NALCN: variants seen among roughly 807,000 people sequenced by gnomAD.
The protein encoded by NALCN is sodium leak channel NALCN.
A neutral mutation model predicts 225.3 loss-of-function variants in NALCN; 111 were observed. The observed-to-expected ratio is 0.49, with a 90% CI of 0.42 to 0.58. The LOEUF (loss-of-function observed/expected upper bound fraction) is 0.58. NALCN is among the 20% of genes least tolerant of loss of function. NALCN has a pLI of 0.00. For missense variants in NALCN, 1,378 were observed against 2,202.4 expected, an observed-to-expected ratio of 0.63 and a Z score of 7.49; for synonymous variants, 764 against 769.0, an observed-to-expected ratio of 0.99 and a Z score of 0.11.
At position 101,395,375 on chromosome 13, in the gene NALCN, T is replaced by C; in HGVS notation, c.109-10A>G. The C allele has an allele frequency of 6.2e-7, 1 of 1,611,990 alleles. No individual in the cohort carries two copies. Among genetic ancestry groups the C allele is most frequent in the African/African-American group, 1.3e-5 (1 of 74,996 alleles). On this transcript the variant is annotated splice_polypyrimidine_tract_variant and intron_variant, in intron 2 of 43. Transcript: ENST00000251127. ...GCAAAGAGTGAACCCACTGCAATGATGGTCCAGAGTTACTACACGGCACCA... is the reference window on the plus strand; with the variant it reads ...GCAAAGAGTGAACCCACTGCAATGACGGTCCAGAGTTACTACACGGCACCA...
Position 101,056,344 on chromosome 13 carries a change from T to G in NALCN, c.5024-856A>C, listed in dbSNP as rs774319111. ...GGCACAATCTTGGTTCACCACAACCTCTGCTTCCCAGGCTCAAGTGATTCT... is the reference window on the plus strand; with the variant it reads ...GGCACAATCTTGGTTCACCACAACCGCTGCTTCCCAGGCTCAAGTGATTCT... On this transcript the variant is annotated intron_variant, in intron 43 of 43. Coordinates refer to ENST00000251127, the MANE Select transcript of NALCN (RefSeq NM_052867.4). Among the ~76,000 whole-genome samples the G allele has an allele frequency of 2.0e-4, 27 of 134,840 alleles. 1 individual carries two copies. In the Admixed American group the frequency reaches 2.3e-3, roughly 12 times the overall value. The allele number at this position is 134,840 out of a possible 152,430, so 88.5% of individuals were successfully genotyped here. A position where few individuals can be genotyped will look rare whatever the true frequency, so the allele number is the denominator to read the frequency against.
intron 9 of NALCN, among the ~76,000 whole-genome samples, chr13:101,291,371 C>T (rs969219449): frequency 1.3e-5 from 2 of 151,972 alleles, no homozygotes; most frequent in African/African-American, 4.8e-5. Context: ...ATCCACAAGC[C>T]ATTTGAGGAT....
chr13:101,244,692 A>G (rs1176174060), intron 11 of NALCN, among the ~76,000 whole-genome samples: 3 of 152,232 alleles, frequency 2.0e-5, no homozygotes, highest in East Asian at 3.8e-4. Context: ...CATAGAGAAG[A>G]ACTGTGTCAG....
chr13:101,296,681 A>AT (rs2043768416), intron 7 of NALCN, among the ~76,000 whole-genome samples: 1 of 152,206 alleles, frequency 6.6e-6, no homozygotes, highest in South Asian at 2.1e-4. Flanking sequence ...TAACGCATTA[A>AT]TTTTTTAGAG....
chr13:101,057,985 G>C lies in NALCN; in HGVS notation c.4977C>G (p.Asp1659Glu), dbSNP rs78817184. The C allele has an allele frequency of 3.0e-4, 484 of 1,613,936 alleles. 1 individual carries two copies. The African/African-American group carries it at 5.1e-3, about 17-fold the overall frequency. Residue 1659 changes from aspartate (D) to glutamate (E), a missense_variant, in exon 43 of 44, where the codon GAC becomes GAG. This residue lies in a region of NALCN where 145 missense variants were observed against 169.6 expected (regional missense o/e 0.85). Coordinates refer to ENST00000251127, the MANE Select transcript of NALCN (RefSeq NM_052867.4). The part of the protein sequence containing the change: ...DRGGSRQDAA[D>E]AGKPQRKFGQ... ...CAAATTTCCTCTGGGGTTTCCCTGC[G>C]TCGGCTGCATCTTGCCGACTTCCTC...
intron 3 of NALCN, among the ~76,000 whole-genome samples, chr13:101,380,649 A>T (rs535111917): frequency 6.6e-6 from 1 of 152,292 alleles, no homozygotes; most frequent in African/African-American, 2.4e-5. Flanking sequence ...GTTGCAGGAT[A>T]TTGACATAAG....
In NALCN at chr13:101,104,646, A is replaced by C. The variant is rs1261962735; in HGVS notation, c.2641T>G (p.Leu881Val). ...KNTKYHQLYDLLGLVTYLDWV... is the reference protein window; with the variant it reads ...KNTKYHQLYDVLGLVTYLDWV... ...TCCAGGTAAGTGACCAATCCCAGCA[A>C]ATCACTGCCAAAGACCAAACAAAAT... The change falls in exon 24 of 44, where the codon TTG (leucine) becomes GTG (valine). Residue 881 changes from leucine (L) to valine (V), a missense_variant. Transcript: ENST00000251127. This position sits in a 1 kb window ranked among gnomAD's most constrained non-coding sequence, Gnocchi z 4.2. 6.2e-7 allele frequency: 1 copy of C among 1,613,886 alleles called. No homozygotes were observed. Among genetic ancestry groups the C allele is most frequent in the Non-Finnish European group, 8.5e-7 (1 of 1,179,856 alleles).
intron 7 of NALCN, among the ~76,000 whole-genome samples, chr13:101,320,611 C>T (rs1318906367): frequency 6.6e-6 from 1 of 152,032 alleles, no homozygotes. Context: ...TCCCATTAGA[C>T]AGTTTACTGC....
chr13:101,322,708 GTTTT>G (rs1015493359), intron 7 of NALCN, among the ~76,000 whole-genome samples: 1 of 151,802 alleles, frequency 6.6e-6, no homozygotes, highest in Non-Finnish European at 1.5e-5. Context: ...TCTAAGCGTG[GTTTT>G]TTTATTTTTT....
At chr13:101,164,618 C>T (rs2038352438) in intron 15 of NALCN, among the ~76,000 whole-genome samples, 2 of 151,986 alleles carry the variant, frequency 1.3e-5, no homozygotes, top group Non-Finnish European at 2.9e-5. Context: ...ATTGATATTC[C>T]CAAATTCTGA....
At chr13:101,387,511 T>G (rs1328748849) in intron 3 of NALCN, among the ~76,000 whole-genome samples, 1 of 152,186 alleles carries the variant, frequency 6.6e-6, no homozygotes, top group African/African-American at 2.4e-5. Context: ...ACGTTCCTAT[T>G]TATGTATGAA....
At chr13:101,166,650 C>T (rs190294259) in intron 15 of NALCN, among the ~76,000 whole-genome samples, 15 of 152,270 alleles carry the variant, frequency 9.9e-5, no homozygotes, top group Admixed American at 5.2e-4. Context: ...ATCAGACACA[C>T]GATTTGCAAA....
intron 18 of NALCN, among the ~76,000 whole-genome samples, chr13:101,111,954 C>T (rs1420790202): frequency 6.6e-6 from 1 of 152,180 alleles, no homozygotes; most frequent in East Asian, 1.9e-4. Context: ...CTAATAAACC[C>T]CCTTTGGGAA....
intron 15 of NALCN, among the ~76,000 whole-genome samples, chr13:101,160,802 G>C (rs2038145654): frequency 6.6e-6 from 1 of 152,116 alleles, no homozygotes; most frequent in Non-Finnish European, 1.5e-5. Context: ...AGCATTGCGA[G>C]GCAATCAGAG....
chr13:101,188,056 C>G (rs72652930), intron 14 of NALCN, among the ~76,000 whole-genome samples: 12,067 of 152,034 alleles, frequency 0.079, 556 homozygotes, highest in East Asian at 0.22. Context: ...GACATATATC[C>G]TAGAGAAATT....
chr13:101,103,027 T>C (rs978509213), intron 26 of NALCN, 145 bp downstream of exon 26: 7 of 895,964 alleles, frequency 7.8e-6, no homozygotes, highest in African/African-American at 5.0e-5. Context: ...TGAAGGTGCA[T>C]TGTGTTTTGT....
chr13:101,279,544 C>T (rs1300896742), intron 10 of NALCN, among the ~76,000 whole-genome samples: 4 of 152,034 alleles, frequency 2.6e-5, no homozygotes, highest in Non-Finnish European at 4.4e-5. Context: ...GGGCCGGGCG[C>T]GGTGGCTCAC....
chr13:101,116,647 A>G (rs2035732984), intron 18 of NALCN: 2 of 443,442 alleles, frequency 4.5e-6, no homozygotes, highest in East Asian at 1.2e-4. Flanking sequence ...CTCATTATAG[A>G]AAAGTTAGAT....
In NALCN at chr13:101,055,104, G is replaced by T. The variant is rs1286786114; in HGVS notation, c.*191C>A. ...TGTCATTATACAAAAATTTTTTTGA[G>T]CAATGATTGATAGTAACCCATCATA... is the stretch of plus-strand genomic sequence containing the variant. On this transcript the variant is annotated 3_prime_UTR_variant, in exon 44 of 44. Coordinates refer to ENST00000251127, the MANE Select transcript of NALCN (RefSeq NM_052867.4). 3.6e-6 allele frequency: 2 copies of T among 563,136 alleles called. No homozygotes were observed. Among genetic ancestry groups the T allele is most frequent in the Non-Finnish European group, 3.1e-6 (1 of 323,224 alleles). 34.9% of individuals were successfully genotyped at this position (563,136 alleles called of 1,614,324 possible).
Sources: allele counts gnomAD v4.1 joint callset (sites outside exome capture counted in the v4.1 genomes callset), GRCh38; gene constraint gnomAD v4.1.1; regional missense constraint gnomAD v4.1.1; non-coding constraint Gnocchi (gnomAD v3.1); transcripts MANE v1.5; gene names NCBI Gene and HGNC (gene_info 2026-07-23, HGNC 2026-07-21).